CORIN: variants seen among roughly 807,000 people sequenced by gnomAD.
CORIN encodes the protein corin, serine peptidase.
A neutral mutation model predicts 125.3 loss-of-function variants in CORIN; 117 were observed. The observed-to-expected ratio is 0.93, with a 90% CI of 0.80 to 1.09. The LOEUF is 1.09. Among genes scored for constraint, CORIN ranks in the 50% least tolerant of loss-of-function variants. The probability of loss-of-function intolerance (pLI) is 0.00; values close to 1 mark genes in which losing one functional copy is unlikely to be tolerated. For synonymous variants in CORIN, 450 were observed against 466.4 expected (o/e 0.96, Z 0.45); for missense variants, 1,253 against 1,306.7 (o/e 0.96, Z 0.63).
chr4:47,811,087 A>C (rs1049357933), intron 1 of CORIN, among the ~76,000 whole-genome samples: 1 of 152,178 alleles, frequency 6.6e-6, no homozygotes, highest in African/African-American at 2.4e-5. Flanking sequence ...AAATAAACAT[A>C]TCTCTCCTGA....
At chr4:47,724,131 A>C (rs1203111115) in intron 5 of CORIN, among the ~76,000 whole-genome samples, 1 of 152,200 alleles carries the variant, frequency 6.6e-6, no homozygotes, top group Non-Finnish European at 1.5e-5. Flanking sequence ...CAGCTGTAAT[A>C]ACCATACTCC....
intron 4 of CORIN, among the ~76,000 whole-genome samples, chr4:47,756,376 TCTG>T: frequency 6.6e-6 from 1 of 152,320 alleles, no homozygotes; most frequent in East Asian, 1.9e-4. Context: ...TCAAATGTAA[TCTG>T]CCCCCAAACT....
chr4:47,656,312 T>C (rs2109651119), intron 12 of CORIN, among the ~76,000 whole-genome samples: 1 of 152,122 alleles, frequency 6.6e-6, no homozygotes, highest in African/African-American at 2.4e-5. Flanking sequence ...CCTGCCACCA[T>C]GCCCAGCTAA....
intron 11 of CORIN, among the ~76,000 whole-genome samples, chr4:47,662,618 TAC>T (rs1399017893): frequency 3.9e-5 from 6 of 152,084 alleles, no homozygotes; most frequent in Non-Finnish European, 8.8e-5. Context: ...AGAAATTAGT[TAC>T]ACAGTTAAAA....
At chr4:47,745,652 T>TC (rs969989560) in intron 4 of CORIN, among the ~76,000 whole-genome samples, 1 of 152,190 alleles carries the variant, frequency 6.6e-6, no homozygotes, top group African/African-American at 2.4e-5. Flanking sequence ...CTACCTACTC[T>TC]CCCTGTCTCT....
At chr4:47,811,019 G>T (rs1246088952) in intron 1 of CORIN, among the ~76,000 whole-genome samples, 2 of 151,942 alleles carry the variant, frequency 1.3e-5, no homozygotes, top group Non-Finnish European at 2.9e-5. Context: ...TGGGCACTTG[G>T]GATATATTAA....
In CORIN at chr4:47,597,351, C is replaced by CAA. The variant is rs11420411; in HGVS notation, c.2947-1450_2947-1449dup. Among the ~76,000 whole-genome samples the CAA allele has an allele frequency of 6.6e-3, 783 of 117,812 alleles. 8 individuals carry two copies. Among genetic ancestry groups the CAA allele is most frequent in the Non-Finnish European group, 8.5e-3 (466 of 54,814 alleles). 77.3% of individuals were successfully genotyped at this position (117,812 alleles called of 152,430 possible). A position where few individuals can be genotyped will look rare whatever the true frequency, so the allele number is the denominator to read the frequency against. ...TGGGAGACAGAGTGAAACTCCATCT[C>CAA]AAAAAAAAAAAAAAAAGAAGAAGAA... On this transcript the variant is annotated intron_variant, in intron 21 of 21. Transcript: ENST00000273857.
At chr4:47,758,242 G>A (rs543391279) in intron 4 of CORIN, among the ~76,000 whole-genome samples, 10 of 151,890 alleles carry the variant, frequency 6.6e-5, no homozygotes, top group African/African-American at 2.2e-4. Flanking sequence ...ACCCAATCCT[G>A]CTTACAATAG....
chr4:47,597,808 G>A (rs28642926), intron 21 of CORIN, among the ~76,000 whole-genome samples: 2,852 of 152,236 alleles, frequency 0.019, 97 homozygotes, highest in African/African-American at 0.065. Flanking sequence ...TCTACTCTTT[G>A]CAAAGTTCTG....
chr4:47,635,624 G>A (rs1351870790), intron 16 of CORIN, among the ~76,000 whole-genome samples: 1 of 152,128 alleles, frequency 6.6e-6, no homozygotes, highest in East Asian at 1.9e-4. Flanking sequence ...AGGAAGGCAG[G>A]GGCCAAATTA....
chr4:47,626,601 C>A, intron 16 of CORIN, 80 bp from the exon 17 acceptor site: 2 of 893,284 alleles, frequency 2.2e-6, no homozygotes, highest in South Asian at 1.3e-5. Context: ...AGCACTCATT[C>A]CCTTTCAAAA....
At chr4:47,628,873 T>C (rs1333277644) in intron 16 of CORIN, among the ~76,000 whole-genome samples, 1 of 152,168 alleles carries the variant, frequency 6.6e-6, no homozygotes, top group East Asian at 1.9e-4. Flanking sequence ...AAAATTTCTA[T>C]TGTATAAAGA....
intron 13 of CORIN, among the ~76,000 whole-genome samples, chr4:47,650,578 C>T (rs757668217): frequency 2.0e-5 from 3 of 152,194 alleles, no homozygotes; most frequent in Non-Finnish European, 4.4e-5. Context: ...TTGTTGTTTT[C>T]CTTAGCTCTC....
intron 2 of CORIN, among the ~76,000 whole-genome samples, chr4:47,802,044 T>C (rs1170072343): frequency 6.6e-6 from 1 of 152,162 alleles, no homozygotes; most frequent in Admixed American, 6.5e-5. Context: ...TTGAACTCAG[T>C]GCTGATCTGT....
intron 6 of CORIN, among the ~76,000 whole-genome samples, chr4:47,686,405 G>A (rs1725518684): frequency 6.6e-6 from 1 of 151,930 alleles, no homozygotes; most frequent in South Asian, 2.1e-4. Flanking sequence ...CCACCATAAG[G>A]GAAAATATAA....
intron 5 of CORIN, among the ~76,000 whole-genome samples, chr4:47,727,947 G>A (rs532406679): frequency 1.7e-4 from 26 of 152,206 alleles, no homozygotes; most frequent in Admixed American, 1.6e-3. Flanking sequence ...ATATTTGGAA[G>A]ACCACATATC....
At chr4:47,646,469 C>T (rs1723488823) in intron 13 of CORIN, among the ~76,000 whole-genome samples, 3 of 152,204 alleles carry the variant, frequency 2.0e-5, no homozygotes, top group Non-Finnish European at 2.9e-5. Context: ...ATAGCAAGCA[C>T]TTGTGATGTA....
chr4:47,613,225 C>A (rs1043593472), intron 19 of CORIN, among the ~76,000 whole-genome samples: 1 of 152,112 alleles, frequency 6.6e-6, no homozygotes, highest in African/African-American at 2.4e-5. Flanking sequence ...GAGGCTAAAG[C>A]GGGCAGATCA....
intron 1 of CORIN, among the ~76,000 whole-genome samples, chr4:47,829,816 A>G (rs1201436353): frequency 6.6e-6 from 1 of 152,188 alleles, no homozygotes; most frequent in Non-Finnish European, 1.5e-5. Flanking sequence ...TGTCCTGCTC[A>G]TTTTCTGCTG....
Sources: gnomAD v4.1 joint callset for allele counts (sites outside exome capture counted in the v4.1 genomes callset) on GRCh38, gnomAD v4.1.1 for gene constraint, MANE v1.5 for transcripts, NCBI Gene and HGNC (gene_info 2026-07-23, HGNC 2026-07-21) for gene names.